The following RFTN2 variants were observed in gnomAD, a reference collection of about 807,000 sequenced individuals.
RFTN2 encodes raftlin-2.
Under a neutral mutation model 52.7 loss-of-function variants are expected in RFTN2, and 34 were observed. That is an observed-to-expected ratio of 0.64 (90% CI 0.49 to 0.86). The LOEUF (loss-of-function observed/expected upper bound fraction) is 0.86, where lower values mean the gene tolerates loss of function less well. Ranked by LOEUF, RFTN2 falls within the 40% of genes least tolerant of loss-of-function variation. The pLI, the probability that RFTN2 is intolerant of heterozygous loss-of-function variation, is 0.00. For synonymous variants in RFTN2, 203 were observed against 217.7 expected (o/e 0.93, Z 0.59); for missense variants, 536 against 600.1 (o/e 0.89, Z 1.12).
chr2:197,606,146 C>G (rs1559346568), intron 7 of RFTN2, among the ~76,000 whole-genome samples: 2 of 152,154 alleles, frequency 1.3e-5, no homozygotes, highest in Admixed American at 1.3e-4. Flanking sequence ...CCCCCTCACA[C>G]TCTCAATAAC....
chr2:197,654,448 G>T (rs1322952156), intron 1 of RFTN2, among the ~76,000 whole-genome samples: 1 of 151,822 alleles, frequency 6.6e-6, no homozygotes, highest in Non-Finnish European at 1.5e-5. Context: ...CCATTAGAGG[G>T]GTGTTAAAGA....
rs2087297720 is a variant in RFTN2 at position 197,570,452 on chromosome 2, G to A, written c.*1556C>T. Reference sequence around the variant, plus strand: ...TATAAAACATATTATATGAAGGCCAGGCATGGTGGCTCACGCCTGTAATCC... The same window carrying A: ...TATAAAACATATTATATGAAGGCCAAGCATGGTGGCTCACGCCTGTAATCC... On this transcript the variant is annotated 3_prime_UTR_variant, in exon 9 of 9. Coordinates refer to ENST00000295049, the MANE Select transcript of RFTN2 (RefSeq NM_144629.3). 1 of 152,204 alleles carries A rather than the reference G, an allele frequency of 6.6e-6. No individual in the cohort carries two copies. The highest frequency in any genetic ancestry group is 2.4e-5 in the African/African-American group (1 of 41,430). The allele number at this position is 152,204 out of a possible 1,614,324, so 9.4% of individuals were successfully genotyped here. A position where few individuals can be genotyped will look rare whatever the true frequency, so the allele number is the denominator to read the frequency against.
chr2:197,572,304 C>G (rs201959746), intron 8 of RFTN2, 24 bp from the exon 9 acceptor site: 1 of 1,608,452 alleles, frequency 6.2e-7, no homozygotes, highest in South Asian at 1.1e-5. Context: ...CATTGGTGAC[C>G]AGGAGAGTTA....
chr2:197,606,429 G>A (rs1574701095), intron 7 of RFTN2, among the ~76,000 whole-genome samples: 1 of 152,284 alleles, frequency 6.6e-6, no homozygotes, highest in African/African-American at 2.4e-5. Context: ...GGGTTTATCT[G>A]TAACTGCTCA....
intron 1 of RFTN2, among the ~76,000 whole-genome samples, chr2:197,667,353 A>G (rs1277059376): frequency 6.6e-6 from 1 of 152,072 alleles, no homozygotes; most frequent in African/African-American, 2.4e-5. Flanking sequence ...TTTCTGATTT[A>G]TTTGTATTAT....
intron 7 of RFTN2, among the ~76,000 whole-genome samples, chr2:197,609,878 C>T (rs1420851513): frequency 6.6e-6 from 1 of 152,170 alleles, no homozygotes; most frequent in East Asian, 1.9e-4. Context: ...ATAGGGAATC[C>T]TTTCCCCACT....
chr2:197,594,096 A>G (rs1228307288), intron 8 of RFTN2, among the ~76,000 whole-genome samples: 11 of 146,928 alleles, frequency 7.5e-5, no homozygotes, highest in Admixed American at 6.2e-4. Flanking sequence ...GCTCACTACA[A>G]CCTCTACCTC....
chr2:197,668,938 A>G (rs2089102623), intron 1 of RFTN2, among the ~76,000 whole-genome samples: 1 of 152,112 alleles, frequency 6.6e-6, no homozygotes, highest in African/African-American at 2.4e-5. Context: ...CTCTCACTTA[A>G]CCTTTCCCCA....
chr2:197,617,384 AT>A (rs1213578744), intron 6 of RFTN2, among the ~76,000 whole-genome samples: 2 of 152,354 alleles, frequency 1.3e-5, no homozygotes, highest in Admixed American at 6.5e-5. Flanking sequence ...TTGTTCATGC[AT>A]TTGTAATGAG....
intron 1 of RFTN2, among the ~76,000 whole-genome samples, chr2:197,670,253 G>C (rs1051811671): frequency 6.6e-6 from 1 of 152,182 alleles, no homozygotes; most frequent in Non-Finnish European, 1.5e-5. Context: ...CTGCAGTATT[G>C]TGTGAGTATA....
rs748866891 is a variant in RFTN2, at chr2:197,595,904, C to T, written c.1233+87G>A. The T allele has an allele frequency of 6.7e-5, 62 of 925,188 alleles. No individual in the cohort carries two copies. The Admixed American group carries it at 7.9e-4, about 12-fold the overall frequency. 57.3% of individuals were successfully genotyped at this position (925,188 alleles called of 1,614,324 possible). A position where few individuals can be genotyped will look rare whatever the true frequency, so the allele number is the denominator to read the frequency against. On this transcript the variant is annotated intron_variant, in intron 8 of 8. Transcript: ENST00000295049. ...GAGGACTGTTTCCATATCATGTCCA[C>T]GCTTTCTTATTTGGAATTACAATGA...
At chr2:197,646,087 G>T (rs2088743821) in intron 2 of RFTN2, among the ~76,000 whole-genome samples, 1 of 152,114 alleles carries the variant, frequency 6.6e-6, no homozygotes, top group Non-Finnish European at 1.5e-5. Flanking sequence ...ATAAAACAAT[G>T]TAGGACAGTC....
intron 1 of RFTN2, among the ~76,000 whole-genome samples, chr2:197,663,236 G>T (rs1574752741): frequency 6.6e-6 from 1 of 152,134 alleles, no homozygotes; most frequent in Non-Finnish European, 1.5e-5. Flanking sequence ...TATTGAGTTT[G>T]GTTTGCTAGT....
chr2:197,659,356 C>T (rs901179194), intron 1 of RFTN2, among the ~76,000 whole-genome samples: 15 of 151,190 alleles, frequency 9.9e-5, no homozygotes, highest in Non-Finnish European at 3.0e-5. Context: ...AAAATTAGCC[C>T]GGCATGGTGG....
intron 1 of RFTN2, among the ~76,000 whole-genome samples, chr2:197,650,165 T>C (rs531394665): frequency 2.6e-4 from 39 of 152,154 alleles, no homozygotes; most frequent in African/African-American, 8.9e-4. Context: ...TTTTAACCAT[T>C]TTTTAGTGTA....
At chr2:197,616,562 G>A (rs923946564) in intron 6 of RFTN2, among the ~76,000 whole-genome samples, 21 of 152,170 alleles carry the variant, frequency 1.4e-4, no homozygotes, top group African/African-American at 5.1e-4. Context: ...AAAGTGCTGG[G>A]GTTACAGACG....
chr2:197,574,622 C>T (rs1027734721), intron 8 of RFTN2, among the ~76,000 whole-genome samples: 2 of 152,124 alleles, frequency 1.3e-5, no homozygotes, highest in Non-Finnish European at 2.9e-5. Flanking sequence ...AATCCCAGCA[C>T]TTTGGGAGGC....
At chr2:197,621,498 T>C (rs2088265247) in intron 5 of RFTN2, among the ~76,000 whole-genome samples, 1 of 151,400 alleles carries the variant, frequency 6.6e-6, no homozygotes, top group South Asian at 2.1e-4. Context: ...TCACTTCATG[T>C]GTTGGTGTCA....
At chr2:197,626,222 C>G (rs1393183315) in intron 5 of RFTN2, among the ~76,000 whole-genome samples, 9 of 152,150 alleles carry the variant, frequency 5.9e-5, no homozygotes, top group Non-Finnish European at 5.9e-5. Flanking sequence ...TGTGTGAATG[C>G]AGGCACCTTA....
Sources: allele counts gnomAD v4.1 joint callset (sites outside exome capture counted in the v4.1 genomes callset), GRCh38; gene constraint gnomAD v4.1.1; transcripts MANE v1.5; gene names NCBI Gene and HGNC (gene_info 2026-07-23, HGNC 2026-07-21).